The following PPARD variants were observed in gnomAD, a reference collection of about 807,000 sequenced individuals.
PPARD encodes the protein peroxisome proliferator-activated receptor delta.
PPARD carries 6 observed loss-of-function variants against 39.5 expected under a neutral mutation model. The observed-to-expected ratio is 0.15, with a 90% confidence interval of 0.08 to 0.30. The LOEUF (loss-of-function observed/expected upper bound fraction) is 0.30. PPARD is among the 10% of genes least tolerant of loss of function. The probability of loss-of-function intolerance (pLI) is 1.00; values close to 1 mark genes in which losing one functional copy is unlikely to be tolerated. For missense variants in PPARD, 397 were observed against 596.8 expected (o/e 0.67, Z 3.49); for synonymous variants, 210 against 231.3 (o/e 0.91, Z 0.83).
chr6:35,368,442 G>T (rs1250907068), intron 2 of PPARD, among the ~76,000 whole-genome samples: 1 of 152,188 alleles, frequency 6.6e-6, no homozygotes, highest in Admixed American at 6.5e-5. Context: ...GACTCAACTG[G>T]CATATTCACC....
intron 2 of PPARD, among the ~76,000 whole-genome samples, chr6:35,382,186 A>G (rs1302105586): frequency 6.6e-6 from 1 of 152,186 alleles, no homozygotes; most frequent in Non-Finnish European, 1.5e-5. Flanking sequence ...GATGGGAGCC[A>G]TGTGTTTGAA....
At chr6:35,417,585 C>T (rs1397991284) in intron 3 of PPARD, among the ~76,000 whole-genome samples, 1 of 151,184 alleles carries the variant, frequency 6.6e-6, no homozygotes, top group African/African-American at 2.4e-5. Context: ...AGTGCAATGG[C>T]GCGATCTCAG....
Position 35,427,854 on chromosome 6 carries a change from C to T in PPARD, c.*1775C>T, listed in dbSNP as rs1766682125. Reference sequence around the variant, plus strand: ...CCCCTGCCCCTACGGGCGCTGCAGCCTCCCTTCCATGCCCCAGGATCACTC... The same window carrying T: ...CCCCTGCCCCTACGGGCGCTGCAGCTTCCCTTCCATGCCCCAGGATCACTC... On this transcript the variant is annotated 3_prime_UTR_variant, in exon 8 of 8. Coordinates refer to ENST00000360694, the MANE Select transcript of PPARD (RefSeq NM_006238.5). 1 of 152,892 alleles carries T rather than the reference C, an allele frequency of 6.5e-6. No individual in the cohort carries two copies. The highest frequency in any genetic ancestry group is 6.5e-5 in the Admixed American group (1 of 15,290). The allele number at this position is 152,892 out of a possible 1,614,324, so 9.5% of individuals were successfully genotyped here.
At chr6:35,388,203 A>C (rs1763793316) in intron 2 of PPARD, among the ~76,000 whole-genome samples, 1 of 152,082 alleles carries the variant, frequency 6.6e-6, no homozygotes. Flanking sequence ...AGGAAGTGAG[A>C]GGAGTTGGGG....
intron 2 of PPARD, among the ~76,000 whole-genome samples, chr6:35,380,460 T>C (rs1581582638): frequency 5.2e-4 from 1 of 1,928 alleles, no homozygotes; most frequent in Non-Finnish European, 1.3e-3. Context: ...TAACCTCGTG[T>C]TTTTTTTTTT....
chr6:35,347,313 A>G (rs1792243602), intron 2 of PPARD, among the ~76,000 whole-genome samples, 163 bp downstream of exon 2: 1 of 152,118 alleles, frequency 6.6e-6, no homozygotes, highest in Non-Finnish European at 1.5e-5. Flanking sequence ...TAGTATAGGC[A>G]TTTATTAAGT....
chr6:35,402,054 T>C (rs1764723868), intron 2 of PPARD, among the ~76,000 whole-genome samples: 2 of 152,148 alleles, frequency 1.3e-5, no homozygotes, highest in Non-Finnish European at 2.9e-5. Flanking sequence ...GCCTTTCCTT[T>C]ACCTCGTTGG....
intron 2 of PPARD, among the ~76,000 whole-genome samples, chr6:35,385,914 T>C (rs1257853688): frequency 6.6e-6 from 1 of 151,292 alleles, no homozygotes; most frequent in East Asian, 1.9e-4. Flanking sequence ...GGGGAGGGCG[T>C]TGGGGGTAGG....
intron 3 of PPARD, 121 bp from the exon 4 acceptor site, chr6:35,420,006 G>T (rs1766032113): frequency 1.6e-6 from 2 of 1,218,192 alleles, no homozygotes; most frequent in Non-Finnish European, 2.2e-6. Context: ...CCTCAGAAAG[G>T]TTGACTCCCT....
intron 2 of PPARD, among the ~76,000 whole-genome samples, chr6:35,356,439 C>G (rs192558429): frequency 1.3e-5 from 2 of 152,202 alleles, no homozygotes; most frequent in Admixed American, 1.3e-4. Context: ...CTCATTACCC[C>G]CTTTTCCAAA....
chr6:35,377,845 C>G (rs757664329), intron 2 of PPARD, among the ~76,000 whole-genome samples: 1 of 142,162 alleles, frequency 7.0e-6, no homozygotes, highest in Admixed American at 7.0e-5. Flanking sequence ...AACTATCACT[C>G]TGTGGGTCGC....
chr6:35,365,127 A>ATTTTTTTTT (rs1762134626), intron 2 of PPARD, among the ~76,000 whole-genome samples: 1 of 108,668 alleles, frequency 9.2e-6, no homozygotes, highest in African/African-American at 4.7e-5. Context: ...GAGCTTCCTT[A>ATTTTTTTTT]TTCTTTTTTT....
At chr6:35,362,344 A>T (rs1333229417) in intron 2 of PPARD, among the ~76,000 whole-genome samples, 2 of 151,832 alleles carry the variant, frequency 1.3e-5, no homozygotes, top group Admixed American at 1.3e-4. Flanking sequence ...AGACTTGCAG[A>T]GGGTAGAGAG....
At chr6:35,382,988 G>A (rs1207441932) in intron 2 of PPARD, among the ~76,000 whole-genome samples, 2 of 152,254 alleles carry the variant, frequency 1.3e-5, no homozygotes, top group East Asian at 3.8e-4. Context: ...ACCCGTATCA[G>A]AGTGTGGAAA....
intron 3 of PPARD, among the ~76,000 whole-genome samples, chr6:35,419,633 T>C (rs1766009288): frequency 6.6e-6 from 1 of 152,130 alleles, no homozygotes; most frequent in Non-Finnish European, 1.5e-5. Context: ...CTGTGGGGGA[T>C]GGTGGGGAGG....
Position 35,421,932 on chromosome 6 carries a change from G to A in PPARD, c.398G>A (p.Cys133Tyr). 6.2e-7 allele frequency: 1 copy of A among 1,613,456 alleles called. No homozygotes were observed. Among genetic ancestry groups the A allele is most frequent in the Non-Finnish European group, 8.5e-7 (1 of 1,179,660 alleles). The change falls in exon 5 of 8, where the codon TGC (cysteine) becomes TAC (tyrosine). Residue 133 changes from cysteine to tyrosine, a missense_variant. Coordinates refer to ENST00000360694, the MANE Select transcript of PPARD (RefSeq NM_006238.5). ...TGCCAGTACTGCCGCTTCCAGAAGT[G>A]CCTGGCACTGGGCATGTCACACAAC... The part of the protein sequence containing the change: ...NKCQYCRFQK[C>Y]LALGMSHNAI...
intron 2 of PPARD, among the ~76,000 whole-genome samples, chr6:35,379,661 G>C (rs1332802752): frequency 2.6e-5 from 4 of 152,218 alleles, no homozygotes; most frequent in South Asian, 2.1e-4. Context: ...CTGCATGCAA[G>C]TGTGTCCCTT....
At chr6:35,423,054 CAAAAAAAAAAA>C (rs56317397) in intron 5 of PPARD, among the ~76,000 whole-genome samples, 7 of 71,712 alleles carry the variant, frequency 9.8e-5, no homozygotes, top group South Asian at 5.6e-4. Context: ...CTCATCTCTA[CAAAAAAAAAAA>C]AAAAAAAAAA....
intron 4 of PPARD, among the ~76,000 whole-genome samples, chr6:35,420,654 T>A (rs1766088155): frequency 6.6e-6 from 1 of 152,164 alleles, no homozygotes; most frequent in South Asian, 2.1e-4. Flanking sequence ...GACAGACATT[T>A]GTTTTTCCAG....
Sources: allele counts gnomAD v4.1 joint callset (sites outside exome capture counted in the v4.1 genomes callset), GRCh38; gene constraint gnomAD v4.1.1; transcripts MANE v1.5; gene names NCBI Gene and HGNC (gene_info 2026-07-23, HGNC 2026-07-21).